The following NOL4 variants were observed in gnomAD, a reference collection of about 807,000 sequenced individuals.
NOL4 encodes the protein cancer/testis antigen 125.
NOL4 carries 17 observed loss-of-function variants against 75.9 expected under a neutral mutation model. The ratio of observed to expected loss-of-function variants is 0.22; its 90% confidence interval spans 0.15 to 0.34. The LOEUF is 0.34. Ranked by LOEUF, NOL4 falls within the 10% of genes least tolerant of loss-of-function variation. The pLI, the probability that NOL4 is intolerant of heterozygous loss-of-function variation, is 1.00. For missense variants in NOL4, 614 were observed against 793.5 expected, an observed-to-expected ratio of 0.77 and a Z score of 2.72; for synonymous variants, 292 against 289.9, an observed-to-expected ratio of 1.01 and a Z score of -0.07.
chr18:34,070,308 C>T (rs1026944306), intron 5 of NOL4, among the ~76,000 whole-genome samples: 2 of 152,174 alleles, frequency 1.3e-5, no homozygotes, highest in East Asian at 1.9e-4. Context: ...CGTGAGCCAC[C>T]GCGCCCGGCC....
chr18:33,887,731 C>T (rs565000891), intron 9 of NOL4, among the ~76,000 whole-genome samples: 27 of 152,154 alleles, frequency 1.8e-4, no homozygotes, highest in Middle Eastern at 3.4e-3. Flanking sequence ...CATCCATGTC[C>T]CTACAAAGGA....
At chr18:33,892,463 A>G (rs990607732) in intron 9 of NOL4, among the ~76,000 whole-genome samples, 6 of 152,066 alleles carry the variant, frequency 3.9e-5, no homozygotes, top group Non-Finnish European at 8.8e-5. Context: ...AAATAAATAA[A>G]TGAAATAATC....
rs1342387891 is a variant in NOL4, at chr18:33,979,094, G to A, written c.1057-20676C>T. The stretch of plus-strand genomic sequence containing the variant: ...CATTTACTCTTGAAGGTAGGTATGT[G>A]AGAAATGGTTGATTGTAGAGCTTTG... On this transcript the variant is annotated intron_variant, in intron 6 of 10. Coordinates refer to ENST00000261592, the MANE Select transcript of NOL4 (RefSeq NM_003787.5). 2.6e-5 allele frequency among the ~76,000 whole-genome samples: 4 copies of A among 152,194 alleles called. No homozygotes were observed. In the East Asian group the frequency reaches 7.7e-4, roughly 29 times the overall value.
chr18:34,079,672 CCA>C (rs1429087017), intron 5 of NOL4, among the ~76,000 whole-genome samples: 1 of 151,974 alleles, frequency 6.6e-6, no homozygotes, highest in Non-Finnish European at 1.5e-5. Flanking sequence ...TTGCTCTTTC[CCA>C]CACACATATG....
In NOL4 at chr18:34,142,200, T is replaced by C. The variant is rs187184221; in HGVS notation, c.265-12180A>G. On this transcript the variant is annotated intron_variant, in intron 1 of 10. Transcript: ENST00000261592. ...GAAACAACAGGTGCTGGAGAGGATG[T>C]GGAGAAATAGGAACACTTCTAAGCT... Among the ~76,000 whole-genome samples, 12 of 152,268 alleles carry C rather than the reference T, an allele frequency of 7.9e-5. No individual in the cohort carries two copies. In the East Asian group the frequency reaches 2.3e-3, roughly 29 times the overall value.
At chr18:34,020,488 T>A (rs943528159) in intron 5 of NOL4, among the ~76,000 whole-genome samples, 2 of 152,194 alleles carry the variant, frequency 1.3e-5, no homozygotes, top group African/African-American at 4.8e-5. Flanking sequence ...GTTCCAGTCA[T>A]TACACTTCTG....
At chr18:34,149,079 A>G (rs1262698626) in intron 1 of NOL4, among the ~76,000 whole-genome samples, 1 of 151,714 alleles carries the variant, frequency 6.6e-6, no homozygotes, top group African/African-American at 2.4e-5. Flanking sequence ...TGAGAAGTAC[A>G]ATTACATCTT....
intron 10 of NOL4, among the ~76,000 whole-genome samples, chr18:33,880,801 C>T (rs2064218095): frequency 6.6e-6 from 1 of 151,640 alleles, no homozygotes; most frequent in African/African-American, 2.4e-5. Flanking sequence ...AAAGCATTTG[C>T]TATTTCTCTA....
chr18:34,106,910 C>A (rs1008838150), intron 2 of NOL4, among the ~76,000 whole-genome samples: 2 of 151,958 alleles, frequency 1.3e-5, no homozygotes, highest in Admixed American at 1.3e-4. Flanking sequence ...GAGTTATAGT[C>A]CATTAGAACT....
At chr18:33,914,998 G>A (rs1162571438) in intron 9 of NOL4, among the ~76,000 whole-genome samples, 1 of 152,050 alleles carries the variant, frequency 6.6e-6, no homozygotes, top group Non-Finnish European at 1.5e-5. Context: ...AAAGCCAGGA[G>A]CACTCTAAAT....
chr18:34,221,991 C>A (rs1028007951), intron 1 of NOL4: 20 of 1,515,462 alleles, frequency 1.3e-5, no homozygotes, highest in Non-Finnish European at 1.8e-5. Flanking sequence ...AGATAGCCTC[C>A]CCCATCCCTA....
intron 9 of NOL4, among the ~76,000 whole-genome samples, chr18:33,894,766 C>T (rs181393089): frequency 6.6e-6 from 1 of 152,072 alleles, no homozygotes; most frequent in East Asian, 1.9e-4. Flanking sequence ...GTGGAGTATA[C>T]TAAAGTTGAA....
chr18:33,886,325 C>T (rs964642139), intron 9 of NOL4, among the ~76,000 whole-genome samples: 14 of 151,736 alleles, frequency 9.2e-5, no homozygotes, highest in Non-Finnish European at 1.6e-4. Context: ...GTCAGGAGTT[C>T]GAGACCATCC....
intron 5 of NOL4, among the ~76,000 whole-genome samples, chr18:34,060,986 TCAGA>T (rs2077044092): frequency 6.6e-6 from 1 of 152,184 alleles, no homozygotes; most frequent in Non-Finnish European, 1.5e-5. Context: ...AAGGTATTTC[TCAGA>T]CATTCAGCAT....
chr18:33,986,633 C>T (rs554609366), intron 6 of NOL4, among the ~76,000 whole-genome samples: 2 of 152,220 alleles, frequency 1.3e-5, no homozygotes, highest in East Asian at 1.9e-4. Context: ...AACCAAAGAT[C>T]GGGGGACTAC....
At chr18:33,889,691 A>G (rs1172081414) in intron 9 of NOL4, among the ~76,000 whole-genome samples, 12 of 152,146 alleles carry the variant, frequency 7.9e-5, no homozygotes, top group African/African-American at 2.9e-4. Flanking sequence ...TATCCACCAC[A>G]ATCAAGTTGG....
At chr18:34,190,311 G>T (rs1055477518) in intron 1 of NOL4, among the ~76,000 whole-genome samples, 1 of 151,802 alleles carries the variant, frequency 6.6e-6, no homozygotes, top group Admixed American at 6.6e-5. Flanking sequence ...GTAACAGATC[G>T]CATGCAAATA....
Position 33,928,752 on chromosome 18 carries a change from A to G in NOL4, c.1542+14313T>C, listed in dbSNP as rs1019114013. Among the ~76,000 whole-genome samples, 14 of 152,298 alleles carry G rather than the reference A, an allele frequency of 9.2e-5. 1 individual carries two copies. In the East Asian group the frequency reaches 2.7e-3, roughly 29 times the overall value. ...AATGTCTGTTTAAGGAGGCACCACT[A>G]AAAAGCAGTCTTTAAGATAGGAAGA... On this transcript the variant is annotated intron_variant, in intron 9 of 10. Coordinates refer to ENST00000261592, the MANE Select transcript of NOL4 (RefSeq NM_003787.5).
chr18:33,898,794 T>A (rs1015219492), intron 9 of NOL4, among the ~76,000 whole-genome samples: 1 of 152,204 alleles, frequency 6.6e-6, no homozygotes, highest in Non-Finnish European at 1.5e-5. Context: ...ACTTCTTTTT[T>A]TCCTGGAGAA....
Sources: allele counts gnomAD v4.1 joint callset (sites outside exome capture counted in the v4.1 genomes callset), GRCh38; gene constraint gnomAD v4.1.1; transcripts MANE v1.5; gene names NCBI Gene and HGNC (gene_info 2026-07-23, HGNC 2026-07-21).